TPO: variants seen among roughly 807,000 people sequenced by gnomAD.
TPO encodes the protein thyroid peroxidase.
In TPO, 78 loss-of-function variants were observed where a neutral mutation model predicts 96.9. The observed-to-expected ratio is 0.81, with a 90% CI of 0.67 to 0.97. TPO has a LOEUF of 0.97. Among genes scored for constraint, TPO ranks in the 50% least tolerant of loss-of-function variants. The pLI is 0.00. For synonymous variants in TPO, 547 were observed against 538.0 expected, an observed-to-expected ratio of 1.02 and a Z score of -0.23; for missense variants, 1,252 against 1,274.8, an observed-to-expected ratio of 0.98 and a Z score of 0.27.
chr2:1,542,403 T>C lies in TPO; in HGVS notation c.2749-18T>C. On this transcript the variant is annotated intron_variant, in intron 16 of 16. Transcript: ENST00000329066. ...TCAGAATTCAGACGTTATTAATGTT[T>C]GTTCTGCATTTTTGCAGGAGAGTGC... The C allele has an allele frequency of 1.9e-6, 3 of 1,614,136 alleles. No homozygotes were observed. The highest frequency in any genetic ancestry group is 2.5e-6 in the Non-Finnish European group (3 of 1,180,008).
At chr2:1,427,787 C>G (rs1482810504) in intron 3 of TPO, among the ~76,000 whole-genome samples, 1 of 152,164 alleles carries the variant, frequency 6.6e-6, no homozygotes, top group African/African-American at 2.4e-5. Flanking sequence ...AATTCATTCC[C>G]TTTTAGCATT....
chr2:1,529,734 C>T (rs1289982238), intron 15 of TPO, among the ~76,000 whole-genome samples: 1 of 45,812 alleles, frequency 2.2e-5, no homozygotes, highest in African/African-American at 7.5e-5. Flanking sequence ...CCACTGTGAG[C>T]AATCTCCTCA....
chr2:1,423,047 A>C lies in TPO; in HGVS notation c.97A>C (p.Lys33Gln). 6.2e-7 allele frequency: 1 copy of C among 1,614,172 alleles called. No homozygotes were observed. Among genetic ancestry groups the C allele is most frequent in the Non-Finnish European group, 8.5e-7 (1 of 1,180,012 alleles). ...ISRGKELLWG[K>Q]PEESRVSSVL... ...CTGTGTGACATTCTGTTCCGTAGGAAAGCCTGAGGAGTCTCGTGTCTCTAG... is the reference window on the plus strand; with the variant it reads ...CTGTGTGACATTCTGTTCCGTAGGACAGCCTGAGGAGTCTCGTGTCTCTAG... Residue 33 changes from lysine (K) to glutamine (Q), a missense_variant and splice_region_variant, in exon 3 of 17, where the codon AAG (lysine) becomes CAG (glutamine). Physicochemically the swap from Lys to Gln is moderately conservative, Grantham distance 53 (BLOSUM62 1). Transcript: ENST00000329066.
intron 14 of TPO, among the ~76,000 whole-genome samples, chr2:1,509,821 GACACCCTCTTGTTTCAGGCACAC>G (rs886550128): frequency 1.5e-5 from 2 of 129,262 alleles, no homozygotes; most frequent in Non-Finnish European, 3.2e-5. Context: ...TCAGGAACAG[GACACCCTCTTGTTTCAGGCACAC>G]ACACCCTCTT....
At chr2:1,449,629 C>T (rs938055065) in intron 5 of TPO, among the ~76,000 whole-genome samples, 2 of 152,012 alleles carry the variant, frequency 1.3e-5, no homozygotes, top group East Asian at 1.9e-4. Context: ...GCAATATTGA[C>T]ACTTGAAGTG....
rs1173291795 is a variant in TPO at position 1,493,779 on chromosome 2, C to T, written c.1769-23C>T. 15 of 1,613,276 alleles carry T rather than the reference C, an allele frequency of 9.3e-6. No individual in the cohort carries two copies. The Middle Eastern group carries it at 5.0e-4, about 53-fold the overall frequency. On this transcript the variant is annotated intron_variant, in intron 10 of 16. Coordinates refer to ENST00000329066, the MANE Select transcript of TPO (RefSeq NM_001206744.2). The stretch of plus-strand genomic sequence containing the variant: ...AAAAGTTCAGTTCTGTGAGAGAAAC[C>T]CTGCAGCCTCTCCCCTGTGCAGGTT...
chr2:1,401,231 C>T lies in TPO; in HGVS notation n.180+26829C>T, dbSNP rs77220970. On this transcript the variant is annotated intron_variant and non_coding_transcript_variant, in intron 1 of 5. Coordinates refer to the TPO transcript ENST00000497517. Reference sequence around the variant, plus strand: ...TAAAAGTAAAACTTTAGGCAAAACACATTGAAGTGAGTTTACTTGACCATT... The same window carrying T: ...TAAAAGTAAAACTTTAGGCAAAACATATTGAAGTGAGTTTACTTGACCATT... Among the ~76,000 whole-genome samples the T allele has an allele frequency of 6.9e-3, 1,054 of 152,324 alleles. 10 individuals are homozygous for T. The highest frequency in any genetic ancestry group is 0.023 in the African/African-American group (964 of 41,562).
At chr2:1,420,524 T>C (rs28910002) in intron 2 of TPO, among the ~76,000 whole-genome samples, 7,888 of 152,224 alleles carry the variant, frequency 0.052, 263 homozygotes, top group South Asian at 0.15. Flanking sequence ...GAGCTTGAGA[T>C]TGACAATTTC....
At chr2:1,495,077 G>C (rs751469566) in intron 11 of TPO, among the ~76,000 whole-genome samples, 4 of 152,224 alleles carry the variant, frequency 2.6e-5, no homozygotes, top group Non-Finnish European at 5.9e-5. Context: ...TCTCCCATGC[G>C]TGTTTTATGC....
At chr2:1,414,242 G>A (rs1662646706) in intron 1 of TPO, 166 bp from the exon 2 acceptor site, 9 of 675,678 alleles carry the variant, frequency 1.3e-5, no homozygotes, top group Admixed American at 2.1e-5. Context: ...TGACATGGAC[G>A]GCGACTCTGG....
chr2:1,386,674 G>A (rs1157769302), intron 1 of TPO, among the ~76,000 whole-genome samples: 30 of 152,116 alleles, frequency 2.0e-4, no homozygotes, highest in Non-Finnish European at 4.0e-4. Context: ...CAATTTGCCA[G>A]TCTGTGTCTT....
intron 13 of TPO, among the ~76,000 whole-genome samples, chr2:1,497,959 C>A (rs1490833555): frequency 7.4e-6 from 1 of 134,450 alleles, no homozygotes; most frequent in African/African-American, 3.1e-5. Flanking sequence ...AGTTCAAGAC[C>A]AGCCTGAGAA....
intron 7 of TPO, among the ~76,000 whole-genome samples, chr2:1,470,068 G>A (rs989152824): frequency 2.1e-4 from 32 of 152,136 alleles, no homozygotes; most frequent in Admixed American, 8.5e-4. Context: ...ATGAGATGGC[G>A]AATTGTATTT....
Position 1,496,752 on chromosome 2 carries a change from T to A in TPO, c.2373T>A (p.Pro791=). ...CCCAGGAAGGATGGGATTTCCAGCC[T>A]CCCCTCTGCAAAGGTCAGTCCTTTC... ...TCTQEGWDFQ[P]PLCKDVNECA... Residue 791 remains proline, a synonymous_variant, in exon 13 of 17, where the codon CCT becomes CCA. Coordinates refer to ENST00000329066, the MANE Select transcript of TPO (RefSeq NM_001206744.2). The A allele has an allele frequency of 6.2e-7, 1 of 1,614,082 alleles. No individual in the cohort carries two copies. Among genetic ancestry groups the A allele is most frequent in the Non-Finnish European group, 8.5e-7 (1 of 1,180,010 alleles).
intron 13 of TPO, among the ~76,000 whole-genome samples, chr2:1,499,580 GC>G (rs138369901): frequency 2.2e-5 from 3 of 139,208 alleles, no homozygotes; most frequent in Admixed American, 7.1e-5. Context: ...GGCGTCTGGG[GC>G]CACCACAATC....
intron 1 of TPO, among the ~76,000 whole-genome samples, chr2:1,382,330 A>G (rs1661823082): frequency 6.6e-6 from 1 of 152,168 alleles, no homozygotes; most frequent in African/African-American, 2.4e-5. Flanking sequence ...TGATTCAAGA[A>G]TGTAAGCTTC....
intron 7 of TPO, among the ~76,000 whole-genome samples, chr2:1,469,906 A>G (rs1305234242): frequency 6.6e-6 from 1 of 152,034 alleles, no homozygotes. Flanking sequence ...GTCGTTCTGG[A>G]GCAAAAGTTC....
rs1680895340 is a variant in TPO at position 1,542,669 on chromosome 2, T to TAAAC, written c.*197_*200dup. The TAAAC allele has an allele frequency of 1.3e-6, 2 of 1,494,450 alleles. No homozygotes were observed. Among genetic ancestry groups the TAAAC allele is most frequent in the Admixed American group, 2.0e-5 (1 of 49,668 alleles). 92.6% of individuals were successfully genotyped at this position (1,494,450 alleles called of 1,614,324 possible). Reference sequence around the variant, plus strand: ...GCTGCATTTGTCTGGCCTTTTCTTGTAAACATTGCCTGATTTGTTCCTTCT... The same window carrying TAAAC: ...GCTGCATTTGTCTGGCCTTTTCTTGTAAACAAACATTGCCTGATTTGTTCCTTCT... On this transcript the variant is annotated 3_prime_UTR_variant, in exon 17 of 17. Transcript: ENST00000329066.
intron 14 of TPO, among the ~76,000 whole-genome samples, chr2:1,508,869 A>T (rs1673765173): frequency 2.0e-5 from 3 of 152,054 alleles, no homozygotes; most frequent in Middle Eastern, 3.4e-3. Flanking sequence ...GAAGGGTTTT[A>T]TGTATCTCTA....
Sources: allele counts gnomAD v4.1 joint callset (sites outside exome capture counted in the v4.1 genomes callset), GRCh38; gene constraint gnomAD v4.1.1; transcripts MANE v1.5; gene names NCBI Gene and HGNC (gene_info 2026-07-23, HGNC 2026-07-21).